TNNI3K: variants seen among roughly 807,000 people sequenced by gnomAD.
The protein encoded by TNNI3K is serine/threonine-protein kinase TNNI3K.
A neutral mutation model predicts 114.5 loss-of-function variants in TNNI3K; 140 were observed. That is an observed-to-expected ratio of 1.22 (90% confidence interval 1.07 to 1.41). The LOEUF (loss-of-function observed/expected upper bound fraction) is 1.41, where lower values mean the gene tolerates loss of function less well. Ranked by LOEUF, TNNI3K falls within the 40% of genes most tolerant of loss-of-function variation. The pLI, the probability that TNNI3K is intolerant of heterozygous loss-of-function variation, is 0.00. For missense variants in TNNI3K, 1,125 were observed against 1,007.6 expected (o/e 1.12, Z -1.58); for synonymous variants, 347 against 347.5 (o/e 1.00, Z 0.02).
chr1:74,483,702 C>G (rs1668612235), intron 21 of TNNI3K, among the ~76,000 whole-genome samples: 1 of 152,122 alleles, frequency 6.6e-6, no homozygotes, highest in Non-Finnish European at 1.5e-5. Flanking sequence ...TTTAATTCTG[C>G]AACCCAATTG....
chr1:74,491,091 A>G (rs750494364), intron 22 of TNNI3K, among the ~76,000 whole-genome samples: 80 of 152,334 alleles, frequency 5.3e-4, no homozygotes, highest in Non-Finnish European at 1.0e-3. Flanking sequence ...TAAAACTGGG[A>G]TACACATTTT....
chr1:74,397,511 C>A (rs1307131136), intron 17 of TNNI3K, among the ~76,000 whole-genome samples: 1 of 152,152 alleles, frequency 6.6e-6, no homozygotes, highest in Non-Finnish European at 1.5e-5. Flanking sequence ...AGATGCTTGA[C>A]TGGTTCCCAA....
At chr1:74,349,840 C>T (rs548940232) in intron 9 of TNNI3K, among the ~76,000 whole-genome samples, 12 of 152,048 alleles carry the variant, frequency 7.9e-5, no homozygotes, top group East Asian at 7.7e-4. Context: ...TTTTTTATTG[C>T]GTCTATTTGA....
intron 4 of TNNI3K, among the ~76,000 whole-genome samples, chr1:74,255,868 T>G (rs536685213): frequency 5.3e-5 from 8 of 152,320 alleles, no homozygotes; most frequent in African/African-American, 1.9e-4. Context: ...ATAAATTTAT[T>G]ACATCCAGTA....
intron 5 of TNNI3K, among the ~76,000 whole-genome samples, chr1:74,324,244 CT>C (rs1477320522): frequency 6.6e-6 from 1 of 152,168 alleles, no homozygotes; most frequent in African/African-American, 2.4e-5. Context: ...CTTATCTGAC[CT>C]GTGTCCAGTA....
At chr1:74,448,494 A>T (rs1008717674) in intron 20 of TNNI3K, among the ~76,000 whole-genome samples, 1 of 145,638 alleles carries the variant, frequency 6.9e-6, no homozygotes, top group Non-Finnish European at 1.5e-5. Flanking sequence ...AACTTCCAAC[A>T]CTATGTTGAA....
intron 17 of TNNI3K, among the ~76,000 whole-genome samples, chr1:74,379,202 C>G (rs541909011): frequency 6.6e-6 from 1 of 151,598 alleles, no homozygotes; most frequent in Non-Finnish European, 1.5e-5. Flanking sequence ...TGACTATGTC[C>G]CTGAATTGAA....
intron 5 of TNNI3K, among the ~76,000 whole-genome samples, chr1:74,280,628 C>A (rs1467100156): frequency 6.6e-6 from 1 of 152,168 alleles, no homozygotes; most frequent in Non-Finnish European, 1.5e-5. Flanking sequence ...ATGGAGGGAG[C>A]ATTTAGACCA....
intron 7 of TNNI3K, among the ~76,000 whole-genome samples, chr1:74,336,421 A>G (rs1660468232): frequency 6.6e-6 from 1 of 152,094 alleles, no homozygotes; most frequent in Non-Finnish European, 1.5e-5. Flanking sequence ...ACATATGTAT[A>G]CATGTGCCAT....
chr1:74,429,751 T>C (rs1230919013), intron 17 of TNNI3K, among the ~76,000 whole-genome samples: 7 of 152,210 alleles, frequency 4.6e-5, no homozygotes, highest in Non-Finnish European at 8.8e-5. Flanking sequence ...ACTTTCACAG[T>C]GTGATGAGAT....
At chr1:74,268,114 A>G (rs1656116028) in intron 4 of TNNI3K, among the ~76,000 whole-genome samples, 1 of 151,960 alleles carries the variant, frequency 6.6e-6, no homozygotes, top group Non-Finnish European at 1.5e-5. Context: ...TGTCAGTTTT[A>G]TATGTTGTGA....
At chr1:74,306,098 T>G (rs943178047) in intron 5 of TNNI3K, among the ~76,000 whole-genome samples, 4 of 152,180 alleles carry the variant, frequency 2.6e-5, no homozygotes, top group Admixed American at 6.5e-5. Flanking sequence ...TATAAGTGAG[T>G]ACATGGAGTA....
chr1:74,361,069 C>T (rs141134389), intron 11 of TNNI3K, among the ~76,000 whole-genome samples: 1 of 152,238 alleles, frequency 6.6e-6, no homozygotes. Flanking sequence ...GAAATACTAA[C>T]TGTCACTTTT....
intron 17 of TNNI3K, chr1:74,378,620 AT>A (rs1663037013): frequency 2.5e-5 from 2 of 78,620 alleles, no homozygotes; most frequent in African/African-American, 5.4e-5. Context: ...ATATATATAT[AT>A]ATATATATAT....
At chr1:74,362,281 A>C (rs1328405454) in intron 11 of TNNI3K, among the ~76,000 whole-genome samples, 1 of 152,130 alleles carries the variant, frequency 6.6e-6, no homozygotes, top group Non-Finnish European at 1.5e-5. Context: ...TTACTGTGAA[A>C]GTTTGATTAT....
At chr1:74,460,900 C>G (rs1667427404) in intron 20 of TNNI3K, among the ~76,000 whole-genome samples, 4 of 152,300 alleles carry the variant, frequency 2.6e-5, no homozygotes, top group African/African-American at 7.2e-5. Flanking sequence ...AAGAAGCAAA[C>G]AAGTAACTCT....
At chr1:74,289,184 C>G (rs1205322212) in intron 5 of TNNI3K, among the ~76,000 whole-genome samples, 2 of 151,828 alleles carry the variant, frequency 1.3e-5, no homozygotes, top group Non-Finnish European at 2.9e-5. Flanking sequence ...GAGAAGTAAA[C>G]CAGAGAACTT....
chr1:74,405,131 C>A (rs1055014265), intron 17 of TNNI3K, among the ~76,000 whole-genome samples: 6 of 152,076 alleles, frequency 3.9e-5, no homozygotes, highest in African/African-American at 1.4e-4. Flanking sequence ...GAAGATAGTA[C>A]TGAAGGCTTC....
chr1:74,383,994 A>C (rs1166468001), intron 17 of TNNI3K, among the ~76,000 whole-genome samples: 1 of 152,112 alleles, frequency 6.6e-6, no homozygotes, highest in Non-Finnish European at 1.5e-5. Context: ...ATGTATAGTC[A>C]TTTAGCCCCA....
Sources: allele counts gnomAD v4.1 joint callset (sites outside exome capture counted in the v4.1 genomes callset), GRCh38; gene constraint gnomAD v4.1.1; transcripts MANE v1.5; gene names NCBI Gene and HGNC (gene_info 2026-07-23, HGNC 2026-07-21).